VSIR: variants seen among roughly 807,000 people sequenced by gnomAD.
VSIR encodes the protein V-type immunoglobulin domain-containing suppressor of T-cell activation.
Under a neutral mutation model 31.0 loss-of-function variants are expected in VSIR, and 10 were observed. The ratio of observed to expected loss-of-function variants is 0.32; its 90% CI spans 0.20 to 0.55. VSIR has a LOEUF of 0.55. VSIR is among the 20% of genes least tolerant of loss of function. The pLI is 0.93. For missense variants in VSIR, 356 were observed against 416.2 expected (o/e 0.86, Z 1.26); for synonymous variants, 179 against 180.1 (o/e 0.99, Z 0.05).
chr10:71,758,555 C>G (rs1207195964), intron 3 of VSIR, among the ~76,000 whole-genome samples: 1 of 152,200 alleles, frequency 6.6e-6, no homozygotes, highest in Admixed American at 6.5e-5. Context: ...TAACTGCTAC[C>G]CACTGCACTG....
At position 71,752,938 on chromosome 10, in the gene VSIR, C is replaced by G. The variant is rs373653584; in HGVS notation, c.704+37G>C. 7 of 1,609,384 alleles carry G rather than the reference C, an allele frequency of 4.3e-6. No homozygotes were observed. The African/African-American group carries it at 9.4e-5, about 22-fold the overall frequency. On this transcript the variant is annotated intron_variant, in intron 5 of 6. Coordinates refer to ENST00000394957, the MANE Select transcript of VSIR (RefSeq NM_022153.2). ...AGTATCTCTTCCTGGATAGCCGGCC[C>G]AGGAAGTTTTCTCAAGAAGGTCTCC... is the stretch of plus-strand genomic sequence containing the variant.
At chr10:71,771,154 T>A (rs2132911653) in intron 1 of VSIR, among the ~76,000 whole-genome samples, 1 of 152,308 alleles carries the variant, frequency 6.6e-6, no homozygotes, top group South Asian at 2.1e-4. Flanking sequence ...GGACAGTAAC[T>A]GCCTCGGGTC....
chr10:71,755,396 G>C lies in VSIR; in HGVS notation c.639C>G (p.Leu213=), dbSNP rs564599612. The change falls in exon 4 of 7, where the codon CTC becomes CTG. Residue 213 remains leucine (L), a synonymous_variant. Coordinates refer to ENST00000394957, the MANE Select transcript of VSIR (RefSeq NM_022153.2). ...VGILCLPLIL[L]LVYKQRQAAS... ...CTGCCTGCCTTTGCTTGTAGACCAG[G>C]AGCAGGATGAGGGGGAGGCAGAGGA... The C allele has an allele frequency of 1.8e-5, 29 of 1,613,460 alleles. No individual in the cohort carries two copies. The highest frequency in any genetic ancestry group is 3.3e-4 in the Middle Eastern group (2 of 6,062).
intron 1 of VSIR, among the ~76,000 whole-genome samples, chr10:71,766,112 G>A (rs1430500492): frequency 6.6e-6 from 1 of 152,226 alleles, no homozygotes; most frequent in Admixed American, 6.5e-5. Flanking sequence ...GTGTTGTCAG[G>A]GAAGCTGTGC....
intron 1 of VSIR, among the ~76,000 whole-genome samples, chr10:71,769,539 T>C (rs1218547276): frequency 3.9e-5 from 6 of 152,102 alleles, no homozygotes; most frequent in African/African-American, 1.4e-4. Flanking sequence ...ATCACAAAGG[T>C]GATAAGCAAA....
At chr10:71,769,776 G>A (rs1325290755) in intron 1 of VSIR, among the ~76,000 whole-genome samples, 1 of 152,238 alleles carries the variant, frequency 6.6e-6, no homozygotes, top group African/African-American at 2.4e-5. Context: ...GGCTTGGTAA[G>A]TAGCAGAGCA....
rs553256458 is a variant in VSIR, at chr10:71,748,184, C to A, written c.*3069G>T. 1 of 152,358 alleles carries A rather than the reference C, an allele frequency of 6.6e-6. No individual in the cohort carries two copies. Among genetic ancestry groups the A allele is most frequent in the Non-Finnish European group, 1.5e-5 (1 of 68,222 alleles). The allele number at this position is 152,358 out of a possible 1,614,324, so 9.4% of individuals were successfully genotyped here. ...CGGTGGTGGCAGGACCCCTGCAGCC[C>A]CCTGTCCCACTGCACACTCCCAAGT... On this transcript the variant is annotated 3_prime_UTR_variant, in exon 7 of 7. Coordinates refer to ENST00000394957, the MANE Select transcript of VSIR (RefSeq NM_022153.2).
chr10:71,759,940 CACACACATATATAT>C, intron 3 of VSIR, among the ~76,000 whole-genome samples: 2 of 132,800 alleles, frequency 1.5e-5, no homozygotes, highest in African/African-American at 5.3e-5. Flanking sequence ...CATATATACA[CACACACATATATAT>C]ACACACACAT....
At chr10:71,766,127 C>T (rs74901292) in intron 1 of VSIR, among the ~76,000 whole-genome samples, 2,242 of 152,328 alleles carry the variant, frequency 0.015, 63 homozygotes, top group African/African-American at 0.051. Context: ...CTGTGCAGCC[C>T]GGCTAAAATT....
chr10:71,754,633 C>G (rs560831894), intron 4 of VSIR, among the ~76,000 whole-genome samples: 1 of 152,322 alleles, frequency 6.6e-6, no homozygotes, highest in East Asian at 1.9e-4. Flanking sequence ...CCAGCCCCAC[C>G]ACTTATTTGC....
intron 3 of VSIR, 78 bp downstream of exon 3, chr10:71,760,790 T>C (rs1661482462): frequency 7.1e-7 from 1 of 1,417,182 alleles, no homozygotes; most frequent in Non-Finnish European, 1.0e-6. Context: ...GAGGCCAGAG[T>C]TCCAAACAGG....
At chr10:71,755,545 G>C in intron 3 of VSIR, 79 bp from the exon 4 acceptor site, 1 of 1,344,118 alleles carries the variant, frequency 7.4e-7, no homozygotes, top group Non-Finnish European at 1.0e-6. Flanking sequence ...CTCAGAGAGG[G>C]AAGGCCAGGA....
chr10:71,747,972 ATGCTC>A lies in VSIR; in HGVS notation c.*3276_*3280del, dbSNP rs1839893684. The stretch of plus-strand genomic sequence containing the variant: ...CTGTGCCGTCTATGGGCTGGGCCTC[ATGCTC>A]AGCTGGGCTGTGGCTGGGCTTCAAG... On this transcript the variant is annotated 3_prime_UTR_variant, in exon 7 of 7. Transcript: ENST00000394957. 1 of 152,310 alleles carries A rather than the reference ATGCTC, an allele frequency of 6.6e-6. No individual in the cohort carries two copies. The highest frequency in any genetic ancestry group is 2.4e-5 in the African/African-American group (1 of 41,468). The allele number at this position is 152,310 out of a possible 1,614,324, so 9.4% of individuals were successfully genotyped here. A position where few individuals can be genotyped will look rare whatever the true frequency, so the allele number is the denominator to read the frequency against.
At chr10:71,764,933 C>T (rs1003714774) in intron 1 of VSIR, among the ~76,000 whole-genome samples, 4 of 152,236 alleles carry the variant, frequency 2.6e-5, no homozygotes, top group Admixed American at 6.5e-5. Flanking sequence ...CTGCAGCAGG[C>T]TCAGTGGAAA....
intron 1 of VSIR, among the ~76,000 whole-genome samples, chr10:71,771,045 G>A (rs1840672453): frequency 6.6e-6 from 1 of 152,216 alleles, no homozygotes; most frequent in South Asian, 2.1e-4. Context: ...GGTTTGCTAT[G>A]AAGGAGAAGA....
At position 71,762,772 on chromosome 10, in the gene VSIR, G is replaced by C. The variant is rs183778586; in HGVS notation, c.83-746C>G. ...GATAGTGTGAAAATGGGAAAACCCA[G>C]TGTCTGAGGGACCGGGACAGAGAGT... On this transcript the variant is annotated intron_variant, in intron 1 of 6. Coordinates refer to ENST00000394957, the MANE Select transcript of VSIR (RefSeq NM_022153.2). 5.3e-5 allele frequency among the ~76,000 whole-genome samples: 8 copies of C among 152,360 alleles called. No homozygotes were observed. In the East Asian group the frequency reaches 1.5e-3, roughly 29 times the overall value.
rs1289055534 is a variant in VSIR at position 71,759,820 on chromosome 10, TAC to T, written c.568+1046_568+1047del. Among the ~76,000 whole-genome samples, 18 of 85,368 alleles carry T rather than the reference TAC, an allele frequency of 2.1e-4. 3 individuals are homozygous for T. The highest frequency in any genetic ancestry group is 5.2e-4 in the Admixed American group (4 of 7,628). The allele number at this position is 85,368 out of a possible 152,430, so 56.0% of individuals were successfully genotyped here. A position where few individuals can be genotyped will look rare whatever the true frequency, so the allele number is the denominator to read the frequency against. On this transcript the variant is annotated intron_variant, in intron 3 of 6. Transcript: ENST00000394957. Reference sequence around the variant, plus strand: ...GAGTGAAACCGTGTTTCAGAAAATATACACACACACACACACACACACACACA... The same window carrying T: ...GAGTGAAACCGTGTTTCAGAAAATATACACACACACACACACACACACACA...
chr10:71,755,539 GA>G, intron 3 of VSIR, 73 bp from the exon 4 acceptor site: 1 of 1,407,092 alleles, frequency 7.1e-7, no homozygotes, highest in Non-Finnish European at 9.8e-7. Context: ...CTGAGGCTCA[GA>G]GAGGGAAGGC....
At chr10:71,766,930 C>T (rs938089478) in intron 1 of VSIR, among the ~76,000 whole-genome samples, 2 of 152,214 alleles carry the variant, frequency 1.3e-5, no homozygotes, top group African/African-American at 2.4e-5. Context: ...CCACGCCCTC[C>T]GTGCAACATT....
Sources: gnomAD v4.1 joint callset for allele counts (sites outside exome capture counted in the v4.1 genomes callset) on GRCh38, gnomAD v4.1.1 for gene constraint, MANE v1.5 for transcripts, NCBI Gene and HGNC (gene_info 2026-07-23, HGNC 2026-07-21) for gene names.